The following CHD7 variants were observed in gnomAD, a reference collection of about 807,000 sequenced individuals.
CHD7 encodes ATP-dependent chromatin remodeler CHD7.
In CHD7, 24 loss-of-function variants were observed where a neutral mutation model predicts 307.3. The observed-to-expected ratio is 0.08, with a 90% CI of 0.06 to 0.11. The LOEUF is 0.11. CHD7 is among the 10% of genes least tolerant of loss of function. CHD7 has a pLI of 1.00. For synonymous variants in CHD7, 1,363 were observed against 1,349.9 expected, an observed-to-expected ratio of 1.01 and a Z score of -0.21; for missense variants, 3,106 against 3,727.1, an observed-to-expected ratio of 0.83 and a Z score of 4.34.
At chr8:60,680,787 A>G (rs2150468655) in intron 1 of CHD7, among the ~76,000 whole-genome samples, 1 of 152,370 alleles carries the variant, frequency 6.6e-6, no homozygotes. Context: ...TGCTAGAATT[A>G]GATACACTAT....
chr8:60,716,117 A>G (rs1807585529), intron 1 of CHD7, among the ~76,000 whole-genome samples: 1 of 152,164 alleles, frequency 6.6e-6, no homozygotes, highest in Non-Finnish European at 1.5e-5. Flanking sequence ...TCTGCCTTTA[A>G]AGTATATGCA....
Position 60,828,686 on chromosome 8 carries a change from A to G in CHD7, c.3402A>G (p.Gly1134=), listed in dbSNP as rs2150761093. 1 of 1,610,078 alleles carries G rather than the reference A, an allele frequency of 6.2e-7. No individual in the cohort carries two copies. Among genetic ancestry groups the G allele is most frequent in the East Asian group, 2.2e-5 (1 of 44,830 alleles). ...AGGAACACAAAGTGCTGCTGACGGG[A>G]ACCCCACTCCAGAACACTGTGGAAG... ...MDLEHKVLLT[G]TPLQNTVEEL... is the part of the protein sequence containing the mutation. Residue 1134 remains glycine, a synonymous_variant, in exon 14 of 38, where the codon GGA becomes GGG. Coordinates refer to ENST00000423902, the MANE Select transcript of CHD7 (RefSeq NM_017780.4).
intron 15 of CHD7, among the ~76,000 whole-genome samples, chr8:60,833,797 CA>C (rs1804628206): frequency 6.6e-6 from 1 of 152,198 alleles, no homozygotes; most frequent in Non-Finnish European, 1.5e-5. Flanking sequence ...AATTGGGTAT[CA>C]AACATTAATT....
intron 2 of CHD7, among the ~76,000 whole-genome samples, chr8:60,764,707 T>A (rs951586703): frequency 3.9e-5 from 6 of 152,182 alleles, no homozygotes; most frequent in African/African-American, 1.4e-4. Context: ...GAAGGTATTC[T>A]CCCCTTTAAA....
rs754365916 is a variant in CHD7 at position 60,861,009 on chromosome 8, A to G, written c.7714A>G (p.Ile2572Val). The G allele has an allele frequency of 1.4e-5, 22 of 1,614,006 alleles. No individual in the cohort carries two copies. Among genetic ancestry groups the G allele is most frequent in the South Asian group, 3.3e-5 (3 of 91,080 alleles). The change falls in exon 35 of 38, where the codon ATC (isoleucine) becomes GTC (valine). Residue 2572 changes from isoleucine (I) to valine (V), a missense_variant. Ile to Val is a conservative substitution (Grantham distance 29, BLOSUM62 3). This residue lies in a region of CHD7 where 1,030 missense variants were observed against 1,165.4 expected (regional missense o/e 0.88). Transcript: ENST00000423902. The part of the protein sequence containing the change: ...QLDPDTRIPV[I>V]NLEDGTRLVG... ...GGACCCAGACACACGGATCCCTGTT[A>G]TCAATCTTGAAGATGGGACTAGGCT...
intron 1 of CHD7, among the ~76,000 whole-genome samples, chr8:60,714,974 T>C (rs1290774018): frequency 6.6e-6 from 1 of 152,230 alleles, no homozygotes; most frequent in Non-Finnish European, 1.5e-5. Flanking sequence ...GGAGGGAATA[T>C]TCTGCCGGCA....
intron 23 of CHD7, 126 bp from the exon 24 acceptor site, chr8:60,848,389 C>A: frequency 1.5e-6 from 1 of 648,752 alleles, no homozygotes. Context: ...CGCTTCAAGC[C>A]TACCATACAG....
rs779430154 is a variant in CHD7 at position 60,836,136 on chromosome 8, A to C, written c.3842A>C (p.Gln1281Pro). Residue 1281 changes from glutamine to proline, a missense_variant, in exon 16 of 38, where the codon CAG becomes CCG. Gln to Pro is a moderately conservative substitution (Grantham distance 76, BLOSUM62 -1). Transcript: ENST00000423902. ...CACAATGCAGAGTCTCCAGATTTTCAGCTCCAGGCAATGATCCAGGCTGCT... is the reference window on the plus strand; with the variant it reads ...CACAATGCAGAGTCTCCAGATTTTCCGCTCCAGGCAATGATCCAGGCTGCT... ...ETHNAESPDFQLQAMIQAAGK... is the reference protein window; with the variant it reads ...ETHNAESPDFPLQAMIQAAGK... 1 of 1,613,606 alleles carries C rather than the reference A, an allele frequency of 6.2e-7. No homozygotes were observed. The highest frequency in any genetic ancestry group is 8.5e-7 in the Non-Finnish European group (1 of 1,179,760).
At chr8:60,799,174 T>G (rs1002464961) in intron 4 of CHD7, among the ~76,000 whole-genome samples, 5 of 152,258 alleles carry the variant, frequency 3.3e-5, no homozygotes, top group Non-Finnish European at 7.3e-5. Flanking sequence ...TTATTTATCT[T>G]AAATAGAATC....
chr8:60,790,789 C>T (rs1045108312), intron 3 of CHD7, among the ~76,000 whole-genome samples: 4 of 152,130 alleles, frequency 2.6e-5, no homozygotes, highest in Admixed American at 1.3e-4. Flanking sequence ...GATTTTAATA[C>T]ATTGCAGTAA....
intron 2 of CHD7, among the ~76,000 whole-genome samples, chr8:60,762,781 G>A (rs1414472323): frequency 6.6e-6 from 1 of 152,104 alleles, no homozygotes; most frequent in African/African-American, 2.4e-5. Flanking sequence ...TCAGTGTGTG[G>A]GCACATACAT....
chr8:60,823,394 T>TATAG (rs34150494), intron 12 of CHD7, among the ~76,000 whole-genome samples: 3,524 of 145,504 alleles, frequency 0.024, 36 homozygotes, highest in East Asian at 0.033. Context: ...TTTTGCTATA[T>TATAG]ATAGATAGAT....
intron 3 of CHD7, among the ~76,000 whole-genome samples, chr8:60,792,594 C>G (rs1811828761): frequency 6.6e-6 from 1 of 152,198 alleles, no homozygotes; most frequent in Non-Finnish European, 1.5e-5. Context: ...TGACTTTCAG[C>G]TATCTTGGAG....
rs749049656 is a variant in CHD7, at chr8:60,685,025, A to G, written c.-175+5943A>G. On this transcript the variant is annotated intron_variant, in intron 1 of 37. Transcript: ENST00000423902. ...GCTCTCAAGAGGGAGATCTCAGGGC[A>G]TATAGGTTTCTAGCATGTTCCCTGC... is the stretch of plus-strand genomic sequence containing the variant. Among the ~76,000 whole-genome samples, 70 of 152,216 alleles carry G rather than the reference A, an allele frequency of 4.6e-4. 2 individuals are homozygous for G. The highest frequency in any genetic ancestry group is 7.9e-4 in the Non-Finnish European group (54 of 68,038).
chr8:60,718,896 C>T (rs1481681540), intron 1 of CHD7, among the ~76,000 whole-genome samples: 2 of 152,188 alleles, frequency 1.3e-5, no homozygotes, highest in Non-Finnish European at 2.9e-5. Context: ...TGTATTTTTG[C>T]TGTACCTTTT....
chr8:60,730,626 C>T (rs1433716768), intron 1 of CHD7, among the ~76,000 whole-genome samples: 5 of 151,992 alleles, frequency 3.3e-5, no homozygotes, highest in South Asian at 2.1e-4. Flanking sequence ...TTTGGGAGGC[C>T]GAGGCGGGTG....
chr8:60,726,717 G>T (rs1245927186), intron 1 of CHD7, among the ~76,000 whole-genome samples: 1 of 152,168 alleles, frequency 6.6e-6, no homozygotes, highest in African/African-American at 2.4e-5. Context: ...CCTTCAGTGG[G>T]CCCAGAGTGT....
chr8:60,788,342 T>C (rs1407189579), intron 3 of CHD7, among the ~76,000 whole-genome samples: 1 of 152,142 alleles, frequency 6.6e-6, no homozygotes, highest in Admixed American at 6.5e-5. Context: ...GGTTTTGTCG[T>C]GTTACCCAGG....
intron 1 of CHD7, chr8:60,679,554 G>T: frequency 6.7e-6 from 1 of 148,338 alleles, no homozygotes; most frequent in South Asian, 1.8e-4. Context: ...GAAAAAGGAA[G>T]GAGGAAAAGT....
Sources: gnomAD v4.1 joint callset for allele counts (sites outside exome capture counted in the v4.1 genomes callset) on GRCh38, gnomAD v4.1.1 for gene constraint, gnomAD v4.1.1 regional missense constraint, MANE v1.5 for transcripts, NCBI Gene and HGNC (gene_info 2026-07-23, HGNC 2026-07-21) for gene names.